ZNF385D: variants seen among roughly 807,000 people sequenced by gnomAD.
ZNF385D encodes the protein zinc finger protein 659.
Under a neutral mutation model 35.8 loss-of-function variants are expected in ZNF385D, and 15 were observed. The observed-to-expected ratio is 0.42, with a 90% confidence interval of 0.28 to 0.64. ZNF385D has a LOEUF of 0.64. Among genes scored for constraint, ZNF385D ranks in the 30% least tolerant of loss-of-function variants. ZNF385D has a pLI of 0.23. For missense variants in ZNF385D, 474 were observed against 494.6 expected, an observed-to-expected ratio of 0.96 and a Z score of 0.39; for synonymous variants, 212 against 186.8, an observed-to-expected ratio of 1.13 and a Z score of -1.10.
chr3:21,713,861 T>C (rs1258834958), intron 1 of ZNF385D, among the ~76,000 whole-genome samples: 1 of 152,170 alleles, frequency 6.6e-6, no homozygotes, highest in Non-Finnish European at 1.5e-5. Context: ...CACCACCTTT[T>C]TTAAAGTTTA....
Position 21,564,268 on chromosome 3 carries a change from C to G in ZNF385D, c.276+306G>C, listed in dbSNP as rs778555468. The stretch of plus-strand genomic sequence containing the variant: ...AAAGTTCCATTGGTCGAAAGTTTTA[C>G]TGTTCCCAAAGGCAAAGTGTATTAT... On this transcript the variant is annotated intron_variant, in intron 3 of 7. Transcript: ENST00000281523. 2.0e-5 allele frequency among the ~76,000 whole-genome samples: 3 copies of G among 152,242 alleles called. No homozygotes were observed. In the East Asian group the frequency reaches 5.8e-4, roughly 29 times the overall value.
At chr3:21,919,924 G>A (rs1176707529) in intron 3 of ZNF385D, among the ~76,000 whole-genome samples, 3 of 152,112 alleles carry the variant, frequency 2.0e-5, no homozygotes, top group Admixed American at 1.3e-4. Context: ...ACTTTCGTGT[G>A]CCTTACTCTA....
intron 2 of ZNF385D, among the ~76,000 whole-genome samples, chr3:22,237,932 AC>A (rs1489225234): frequency 6.6e-6 from 1 of 150,844 alleles, no homozygotes; most frequent in Non-Finnish European, 1.5e-5. Context: ...CTGAGTCACC[AC>A]CCCTGGGCAA....
At chr3:21,581,469 G>A (rs2125706163) in intron 2 of ZNF385D, among the ~76,000 whole-genome samples, 2 of 152,138 alleles carry the variant, frequency 1.3e-5, no homozygotes, top group South Asian at 2.1e-4. Context: ...AACCTAAATT[G>A]CAAAAGAGGT....
At chr3:21,450,125 G>A (rs1259387985) in intron 4 of ZNF385D, among the ~76,000 whole-genome samples, 1 of 152,170 alleles carries the variant, frequency 6.6e-6, no homozygotes, top group Non-Finnish European at 1.5e-5. Flanking sequence ...TCCTTGGGCA[G>A]GGCTGTCAAG....
chr3:22,364,689 T>C (rs1044274959), intron 2 of ZNF385D, among the ~76,000 whole-genome samples: 5 of 152,136 alleles, frequency 3.3e-5, no homozygotes, highest in Admixed American at 3.3e-4. Context: ...AGTATGGCAG[T>C]TCCTCTAAGT....
chr3:22,011,209 AAAG>A (rs1696550242), intron 3 of ZNF385D, among the ~76,000 whole-genome samples: 1 of 152,180 alleles, frequency 6.6e-6, no homozygotes, highest in Non-Finnish European at 1.5e-5. Flanking sequence ...CGTAAGCAAA[AAAG>A]CCACCAATGA....
intron 3 of ZNF385D, among the ~76,000 whole-genome samples, chr3:22,080,169 A>G (rs1248519070): frequency 6.6e-6 from 1 of 152,146 alleles, no homozygotes; most frequent in Non-Finnish European, 1.5e-5. Context: ...TGTCTTTAAT[A>G]ATATGGGTCC....
chr3:21,917,347 G>A (rs10433570), intron 3 of ZNF385D, among the ~76,000 whole-genome samples: 81,352 of 151,950 alleles, frequency 0.54, 23,841 homozygotes, highest in South Asian at 0.66. Flanking sequence ...CAAGAGAATC[G>A]CTTGAACTCA....
intron 3 of ZNF385D, among the ~76,000 whole-genome samples, chr3:22,103,226 T>A (rs1490918614): frequency 6.6e-6 from 1 of 151,298 alleles, no homozygotes; most frequent in Non-Finnish European, 1.5e-5. Flanking sequence ...TTTTTTTTTT[T>A]AAATACATGT....
intron 2 of ZNF385D, among the ~76,000 whole-genome samples, chr3:21,619,403 C>CGTGTGT (rs1381094841): frequency 1.4e-5 from 2 of 140,582 alleles, no homozygotes; most frequent in Non-Finnish European, 3.0e-5. Flanking sequence ...TAGTTGTCAT[C>CGTGTGT]GTGTGTGTGC....
At chr3:22,260,286 A>G (rs1296697807) in intron 2 of ZNF385D, among the ~76,000 whole-genome samples, 1 of 152,010 alleles carries the variant, frequency 6.6e-6, no homozygotes, top group East Asian at 1.9e-4. Flanking sequence ...GGAGTTGAAC[A>G]ATGAGAACAC....
At chr3:22,292,513 T>C (rs946379172) in intron 2 of ZNF385D, among the ~76,000 whole-genome samples, 9 of 152,194 alleles carry the variant, frequency 5.9e-5, no homozygotes, top group Admixed American at 5.9e-4. Flanking sequence ...GCACTATTTC[T>C]AGAACTATGT....
At chr3:22,056,532 G>A (rs865870944) in intron 3 of ZNF385D, among the ~76,000 whole-genome samples, 1 of 152,090 alleles carries the variant, frequency 6.6e-6, no homozygotes, top group African/African-American at 2.4e-5. Context: ...TCTTCCTAAA[G>A]CCATTCCAAT....
chr3:21,854,233 C>T (rs923344381), intron 3 of ZNF385D, among the ~76,000 whole-genome samples: 22 of 151,956 alleles, frequency 1.4e-4, no homozygotes, highest in African/African-American at 4.8e-4. Flanking sequence ...GCTTTTGAAC[C>T]GGTTATCATT....
At chr3:21,836,570 C>A (rs1695343041) in intron 3 of ZNF385D, among the ~76,000 whole-genome samples, 1 of 151,958 alleles carries the variant, frequency 6.6e-6, no homozygotes, top group South Asian at 2.1e-4. Context: ...CTGTAAGGAG[C>A]CAGATAGATA....
At chr3:21,804,943 A>G (rs1479762001) in intron 3 of ZNF385D, among the ~76,000 whole-genome samples, 1 of 152,236 alleles carries the variant, frequency 6.6e-6, no homozygotes. Context: ...TCTTATGACT[A>G]GAAAAGCATT....
chr3:21,508,594 T>C (rs1021570169), intron 4 of ZNF385D, among the ~76,000 whole-genome samples: 2 of 152,192 alleles, frequency 1.3e-5, no homozygotes, highest in Non-Finnish European at 2.9e-5. Context: ...AAAGACCCCA[T>C]GAGTATTAAA....
chr3:22,060,837 T>C (rs993512705), intron 3 of ZNF385D, among the ~76,000 whole-genome samples: 1 of 152,028 alleles, frequency 6.6e-6, no homozygotes. Flanking sequence ...AAAAAGAAAG[T>C]TTTGCAGTTT....
Sources: gnomAD v4.1 joint callset for allele counts (sites outside exome capture counted in the v4.1 genomes callset) on GRCh38, gnomAD v4.1.1 for gene constraint, MANE v1.5 for transcripts, NCBI Gene and HGNC (gene_info 2026-07-23, HGNC 2026-07-21) for gene names.